Variants in KCTD8 observed in about 807,000 individuals in gnomAD.
KCTD8 encodes the protein BTB/POZ domain-containing protein KCTD8.
A neutral mutation model predicts 31.5 loss-of-function variants in KCTD8; 27 were observed. That is an observed-to-expected ratio of 0.86 (90% CI 0.63 to 1.18). The LOEUF is 1.18. Ranked by LOEUF, KCTD8 falls within the 50% of genes most tolerant of loss-of-function variation. The probability of loss-of-function intolerance (pLI) is 0.00; values close to 1 mark genes in which losing one functional copy is unlikely to be tolerated. For missense variants in KCTD8, 658 were observed against 647.7 expected (o/e 1.02, Z -0.17); for synonymous variants, 290 against 280.0 (o/e 1.04, Z -0.36).
At chr4:44,255,591 A>T (rs1715967059) in intron 1 of KCTD8, among the ~76,000 whole-genome samples, 1 of 151,858 alleles carries the variant, frequency 6.6e-6, no homozygotes, top group Non-Finnish European at 1.5e-5. Context: ...TCCCTATGTC[A>T]GTAATTCAAT....
chr4:44,416,972 T>C (rs1334914291), intron 1 of KCTD8, among the ~76,000 whole-genome samples: 4 of 152,232 alleles, frequency 2.6e-5, no homozygotes, highest in Non-Finnish European at 5.9e-5. Context: ...CACTAGATTA[T>C]GAACTTTTAC....
intron 1 of KCTD8, among the ~76,000 whole-genome samples, chr4:44,244,426 A>T (rs1271035287): frequency 6.6e-6 from 1 of 152,102 alleles, no homozygotes; most frequent in Non-Finnish European, 1.5e-5. Flanking sequence ...ACCTCAGAGG[A>T]GGCTTCAGAA....
At chr4:44,303,586 C>G (rs1183428247) in intron 1 of KCTD8, among the ~76,000 whole-genome samples, 1 of 151,988 alleles carries the variant, frequency 6.6e-6, no homozygotes, top group South Asian at 2.1e-4. Context: ...GAGGCTGAGG[C>G]AGGTGGATTG....
At chr4:44,199,496 TA>T (rs1714066703) in intron 1 of KCTD8, among the ~76,000 whole-genome samples, 1 of 152,004 alleles carries the variant, frequency 6.6e-6, no homozygotes, top group African/African-American at 2.4e-5. Context: ...TCAATACCAA[TA>T]AGACCTCTCA....
intron 1 of KCTD8, among the ~76,000 whole-genome samples, chr4:44,360,719 A>G (rs780165221): frequency 6.6e-6 from 1 of 152,046 alleles, no homozygotes; most frequent in Admixed American, 6.6e-5. Flanking sequence ...TAGTGTCTGA[A>G]GGCTTTTAAT....
intron 1 of KCTD8, among the ~76,000 whole-genome samples, chr4:44,195,434 G>A (rs1713909042): frequency 6.6e-6 from 1 of 152,074 alleles, no homozygotes; most frequent in African/African-American, 2.4e-5. Context: ...TGCTTTTAAT[G>A]TGCTGTGACA....
At chr4:44,246,294 C>G (rs1051689158) in intron 1 of KCTD8, among the ~76,000 whole-genome samples, 20 of 151,982 alleles carry the variant, frequency 1.3e-4, no homozygotes, top group Non-Finnish European at 2.2e-4. Flanking sequence ...GGTTTGAACT[C>G]TAACTCTCCA....
At chr4:44,447,033 A>T (rs1721959141) in intron 1 of KCTD8, among the ~76,000 whole-genome samples, 1 of 152,152 alleles carries the variant, frequency 6.6e-6, no homozygotes, top group Admixed American at 6.5e-5. Context: ...TGCCCTCTAG[A>T]AAACCACCCG....
intron 1 of KCTD8, among the ~76,000 whole-genome samples, chr4:44,406,246 T>C (rs1344342149): frequency 6.6e-6 from 1 of 152,152 alleles, no homozygotes; most frequent in Non-Finnish European, 1.5e-5. Context: ...AGGGGTTAAA[T>C]ACAACTCAGA....
At position 44,447,975 on chromosome 4, in the gene KCTD8, C is replaced by T. The variant is rs1166374979; in HGVS notation, c.549G>A (p.Ala183=). Residue 183 remains alanine, a synonymous_variant, in exon 1 of 2, where the codon GCG becomes GCA. Transcript: ENST00000360029. ...CTCCCGGGCCCGAGGGCACGGCGGC[C>T]GCCGCCCCGCGCAGCAGCAGCGCGT... The part of the protein sequence containing the change: ...SSDALLLRGA[A]AAVPSGPGAH... 6.5e-7 allele frequency: 1 copy of T among 1,534,154 alleles called. No individual in the cohort carries two copies. The highest frequency in any genetic ancestry group is 1.4e-5 in the African/African-American group (1 of 71,776).
At chr4:44,256,280 C>A (rs1440727493) in intron 1 of KCTD8, among the ~76,000 whole-genome samples, 1 of 151,780 alleles carries the variant, frequency 6.6e-6, no homozygotes, top group Admixed American at 6.6e-5. Flanking sequence ...ATATTCTGTT[C>A]ATCAAAGGAA....
At chr4:44,197,470 C>T (rs536834660) in intron 1 of KCTD8, among the ~76,000 whole-genome samples, 2 of 152,124 alleles carry the variant, frequency 1.3e-5, no homozygotes, top group Admixed American at 6.5e-5. Flanking sequence ...TGTCTATGAA[C>T]ATGCTAAAAT....
At chr4:44,399,288 AAGAATTC>A (rs1418495132) in intron 1 of KCTD8, among the ~76,000 whole-genome samples, 3 of 152,176 alleles carry the variant, frequency 2.0e-5, no homozygotes, top group Admixed American at 2.0e-4. Flanking sequence ...TGATTAGTGA[AAGAATTC>A]AGGCAACTAG....
intron 1 of KCTD8, among the ~76,000 whole-genome samples, chr4:44,272,322 C>T (rs1716636875): frequency 6.6e-6 from 1 of 150,996 alleles, no homozygotes; most frequent in Non-Finnish European, 1.5e-5. Context: ...AAATGATGAA[C>T]AAATAAGCAA....
In KCTD8 at chr4:44,175,000, T is replaced by C; in HGVS notation, c.1212A>G (p.Pro404=). 1 of 1,614,168 alleles carries C rather than the reference T, an allele frequency of 6.2e-7. No homozygotes were observed. Among genetic ancestry groups the C allele is most frequent in the Non-Finnish European group, 8.5e-7 (1 of 1,180,014 alleles). ...KKAPVQWIPP[P]DKRRNSELFQ... ...AGAGTTCACTGTTTCTGCGTTTGTC[T>C]GGTGGGGGTATCCATTGTACAGGTG... is the stretch of plus-strand genomic sequence containing the variant. Residue 404 remains proline, a synonymous_variant, in exon 2 of 2, where the codon CCA becomes CCG. Transcript: ENST00000360029.
At chr4:44,433,325 T>A (rs886926082) in intron 1 of KCTD8, among the ~76,000 whole-genome samples, 3 of 151,646 alleles carry the variant, frequency 2.0e-5, no homozygotes, top group Non-Finnish European at 4.4e-5. Flanking sequence ...CAGACTCCCA[T>A]GAATTGGAGA....
intron 1 of KCTD8, among the ~76,000 whole-genome samples, chr4:44,364,650 C>A (rs575938722): frequency 1.8e-4 from 28 of 152,234 alleles, no homozygotes; most frequent in African/African-American, 6.7e-4. Flanking sequence ...ATTTCCAAAA[C>A]TTGAAAGCAA....
At chr4:44,301,704 A>T (rs981808469) in intron 1 of KCTD8, among the ~76,000 whole-genome samples, 5 of 152,174 alleles carry the variant, frequency 3.3e-5, no homozygotes, top group Non-Finnish European at 7.3e-5. Flanking sequence ...TTTGCTGTGC[A>T]GAAGCTCTTT....
chr4:44,297,477 G>A (rs1217795646), intron 1 of KCTD8, among the ~76,000 whole-genome samples: 1 of 151,904 alleles, frequency 6.6e-6, no homozygotes, highest in Admixed American at 6.6e-5. Flanking sequence ...TAATAAAATA[G>A]CATCTTACAA....
Sources: allele counts gnomAD v4.1 joint callset (sites outside exome capture counted in the v4.1 genomes callset), GRCh38; gene constraint gnomAD v4.1.1; transcripts MANE v1.5; gene names NCBI Gene and HGNC (gene_info 2026-07-23, HGNC 2026-07-21).